BARHL1: variants seen among roughly 807,000 people sequenced by gnomAD.
BARHL1 encodes barH-like 1 homeobox protein.
A neutral mutation model predicts 20.1 loss-of-function variants in BARHL1; 2 were observed. That is an observed-to-expected ratio of 0.10 (90% CI 0.04 to 0.31). BARHL1 has a LOEUF of 0.31. Among genes scored for constraint, BARHL1 ranks in the 10% least tolerant of loss-of-function variants. BARHL1 has a pLI of 1.00. For synonymous variants in BARHL1, 213 were observed against 209.9 expected (o/e 1.01, Z -0.13); for missense variants, 397 against 454.0 (o/e 0.87, Z 1.14).
rs1270548640 is a variant in BARHL1 at position 132,587,051 on chromosome 9, C to A, written c.467-278C>A. Among the ~76,000 whole-genome samples, 1 of 152,228 alleles carries A rather than the reference C, an allele frequency of 6.6e-6. No homozygotes were observed. Among genetic ancestry groups the A allele is most frequent in the Non-Finnish European group, 1.5e-5 (1 of 68,030 alleles). On this transcript the variant is annotated intron_variant, in intron 1 of 2. Transcript: ENST00000263610. This position sits in a 1 kb window ranked among gnomAD's most constrained non-coding sequence, Gnocchi z 5.5. ...AGCGCGGGCAGAGCGCCGAGCGCGG[C>A]GCAGGGACTGGAGTTCTCGCCAGCT...
rs1564261009 is a variant in BARHL1, at chr9:132,587,129, C to T, written c.467-200C>T. ...GGGGGGTCTCGGCCTCGGGCGCTCC[C>T]GCCGCCGTCCTGTTCCCCTCAGGGT... is the stretch of plus-strand genomic sequence containing the variant. On this transcript the variant is annotated intron_variant, in intron 1 of 2. Coordinates refer to ENST00000263610, the MANE Select transcript of BARHL1 (RefSeq NM_020064.4). This position sits in a 1 kb window ranked among gnomAD's most constrained non-coding sequence, Gnocchi z 5.5. Among the ~76,000 whole-genome samples the T allele has an allele frequency of 6.6e-6, 1 of 152,222 alleles. No homozygotes were observed. Among genetic ancestry groups the T allele is most frequent in the African/African-American group, 2.4e-5 (1 of 41,472 alleles).
In BARHL1 at chr9:132,589,775, G is replaced by A; in HGVS notation, c.*253G>A. On this transcript the variant is annotated 3_prime_UTR_variant, in exon 3 of 3. Transcript: ENST00000263610. ...TGTCCGGGAGCCATCCCCACCCGCC[G>A]GGTGTACATACGCGTCTCTGCCACT... is the stretch of plus-strand genomic sequence containing the variant. 2 of 383,746 alleles carry A rather than the reference G, an allele frequency of 5.2e-6. No homozygotes were observed. The highest frequency in any genetic ancestry group is 4.9e-5 in the Admixed American group (1 of 20,566). 23.8% of individuals were successfully genotyped at this position (383,746 alleles called of 1,614,324 possible).
intron 1 of BARHL1, among the ~76,000 whole-genome samples, chr9:132,586,427 G>C (rs543423454): frequency 6.6e-6 from 1 of 152,360 alleles, no homozygotes; most frequent in South Asian, 2.1e-4. Context: ...AGTGTTTTCT[G>C]TGCAGTCAAA....
At position 132,589,485 on chromosome 9, in the gene BARHL1, T is replaced by G. The variant is rs1424112051; in HGVS notation, c.947T>G (p.Leu316Arg). 25 of 1,471,414 alleles carry G rather than the reference T, an allele frequency of 1.7e-5. No homozygotes were observed. The highest frequency in any genetic ancestry group is 2.2e-5 in the Non-Finnish European group (25 of 1,114,722). The allele number at this position is 1,471,414 out of a possible 1,614,324, so 91.1% of individuals were successfully genotyped here. Residue 316 changes from leucine (L) to arginine (R), a missense_variant, in exon 3 of 3, where the codon CTG (leucine) becomes CGG (arginine). Physicochemically the swap from Leu to Arg is moderately radical, Grantham distance 102 (BLOSUM62 -2). Coordinates refer to ENST00000263610, the MANE Select transcript of BARHL1 (RefSeq NM_020064.4). ...ASEPPPPLPP[L>R]AGVLPRAAQP... is the part of the protein sequence containing the mutation. The stretch of plus-strand genomic sequence containing the variant: ...GAGCCGCCCCCGCCGCTGCCCCCCC[T>G]GGCCGGCGTCCTCCCACGCGCCGCG...
intron 1 of BARHL1, among the ~76,000 whole-genome samples, chr9:132,584,171 G>A (rs538790229): frequency 1.5e-4 from 21 of 142,080 alleles, no homozygotes; most frequent in East Asian, 1.2e-3. Flanking sequence ...GGAAGGAAGG[G>A]AAAGGGAAGA....
rs899913358 is a variant in BARHL1, at chr9:132,587,119, C to T, written c.467-210C>T. The stretch of plus-strand genomic sequence containing the variant: ...GGAGCTGCCCGGGGGGTCTCGGCCT[C>T]GGGCGCTCCCGCCGCCGTCCTGTTC... On this transcript the variant is annotated intron_variant, in intron 1 of 2. Coordinates refer to ENST00000263610, the MANE Select transcript of BARHL1 (RefSeq NM_020064.4). This position sits in a 1 kb window ranked among gnomAD's most constrained non-coding sequence, Gnocchi z 5.5. Among the ~76,000 whole-genome samples, 2 of 152,234 alleles carry T rather than the reference C, an allele frequency of 1.3e-5. No homozygotes were observed. The highest frequency in any genetic ancestry group is 4.8e-5 in the African/African-American group (2 of 41,468).
At chr9:132,585,565 G>C (rs1830132507) in intron 1 of BARHL1, among the ~76,000 whole-genome samples, 2 of 152,224 alleles carry the variant, frequency 1.3e-5, no homozygotes, top group Admixed American at 1.3e-4. Flanking sequence ...ACCCAAACCA[G>C]AGTTTTGTTC....
At chr9:132,584,582 G>T (rs566854470) in intron 1 of BARHL1, among the ~76,000 whole-genome samples, 4 of 143,792 alleles carry the variant, frequency 2.8e-5, no homozygotes, top group African/African-American at 1.0e-4. Flanking sequence ...TCCCAACCAA[G>T]AATTCGTTTG....
chr9:132,586,621 T>C (rs1356019963), intron 1 of BARHL1, among the ~76,000 whole-genome samples: 1 of 152,260 alleles, frequency 6.6e-6, no homozygotes, highest in Admixed American at 6.5e-5. Context: ...ACCTGGGCAA[T>C]GCGCGCTGCG....
In BARHL1 at chr9:132,587,639, T is replaced by C; in HGVS notation, c.689+88T>C. ...AGGGGACCAGGAGTCTACAGGTTGG[T>C]GCTAAGGGAGGGCCCCAGAGCCTCC... On this transcript the variant is annotated intron_variant, in intron 2 of 2. Transcript: ENST00000263610. This position sits in a 1 kb window ranked among gnomAD's most constrained non-coding sequence, Gnocchi z 5.5. The C allele has an allele frequency of 1.5e-6, 2 of 1,321,274 alleles. No individual in the cohort carries two copies. The highest frequency in any genetic ancestry group is 2.1e-6 in the Non-Finnish European group (2 of 960,026). 81.8% of individuals were successfully genotyped at this position (1,321,274 alleles called of 1,614,324 possible). A position where few individuals can be genotyped will look rare whatever the true frequency, so the allele number is the denominator to read the frequency against.
chr9:132,586,913 A>G (rs997804901), intron 1 of BARHL1, among the ~76,000 whole-genome samples: 2 of 152,210 alleles, frequency 1.3e-5, no homozygotes, highest in Non-Finnish European at 2.9e-5. Flanking sequence ...ACGCAGCCGG[A>G]GAAACTGGGG....
intron 1 of BARHL1, among the ~76,000 whole-genome samples, chr9:132,586,651 G>T (rs1034003956): frequency 6.6e-6 from 1 of 152,274 alleles, no homozygotes; most frequent in Non-Finnish European, 1.5e-5. Flanking sequence ...CAAGCGAGTG[G>T]CAGGGTCGCT....
rs1488262236 is a variant in BARHL1 at position 132,582,830 on chromosome 9, C to T, written c.33C>T (p.Ser11=). The change falls in exon 1 of 3, where the codon TCC becomes TCT. Residue 11 remains serine, a synonymous_variant. Transcript: ENST00000263610. The part of the protein sequence containing the change: MEGSNGFGID[S]ILSHRAGSPA... ...GCTCCAATGGCTTTGGGATCGACTC[C>T]ATTCTCTCCCACCGCGCGGGCAGCC... is the stretch of plus-strand genomic sequence containing the variant. 1.2e-6 allele frequency: 2 copies of T among 1,605,822 alleles called. No homozygotes were observed. Among genetic ancestry groups the T allele is most frequent in the Non-Finnish European group, 1.7e-6 (2 of 1,175,312 alleles).
In BARHL1 at chr9:132,583,208, T is replaced by C. The variant is rs1830094560; in HGVS notation, c.411T>C (p.Phe137=). 4 of 1,613,222 alleles carry C rather than the reference T, an allele frequency of 2.5e-6. No homozygotes were observed. The highest frequency in any genetic ancestry group is 1.6e-4 in the Middle Eastern group (1 of 6,082). Residue 137 remains phenylalanine, a synonymous_variant, in exon 1 of 3, where the codon TTT becomes TTC. Transcript: ENST00000263610. ...GRLAAKAAED[F]RDKLDKSGSN... ...TTGCGGCCAAGGCCGCGGAGGACTT[T>C]AGAGACAAGCTGGACAAAAGTGGCA...
chr9:132,588,597 T>C (rs1343999591), intron 2 of BARHL1, among the ~76,000 whole-genome samples: 1 of 152,000 alleles, frequency 6.6e-6, no homozygotes, highest in Non-Finnish European at 1.5e-5. Context: ...GGCCAAGGCC[T>C]CTGGACTTTG....
At chr9:132,588,241 A>G (rs1830164521) in intron 2 of BARHL1, among the ~76,000 whole-genome samples, 1 of 152,154 alleles carries the variant, frequency 6.6e-6, no homozygotes, top group African/African-American at 2.4e-5. Context: ...CCAAATAGCC[A>G]CACACCGACA....
At chr9:132,584,091 G>A (rs940315356) in intron 1 of BARHL1, among the ~76,000 whole-genome samples, 18 of 151,030 alleles carry the variant, frequency 1.2e-4, no homozygotes, top group Non-Finnish European at 2.4e-4. Context: ...TCGTAACCAA[G>A]GAGATGAGAT....
intron 1 of BARHL1, among the ~76,000 whole-genome samples, chr9:132,584,060 G>T (rs908966079): frequency 2.0e-5 from 3 of 151,390 alleles, no homozygotes; most frequent in African/African-American, 7.3e-5. Context: ...CTTCGTTGTT[G>T]TTTGTTCCAT....
chr9:132,583,061 G>A lies in BARHL1; in HGVS notation c.264G>A (p.Gln88=). Residue 88 remains glutamine (Q), a synonymous_variant, in exon 1 of 3, where the codon CAG becomes CAA. Coordinates refer to ENST00000263610, the MANE Select transcript of BARHL1 (RefSeq NM_020064.4). ...CCGGGCAGCTCTCAGCCCCGGCCCA[G>A]TCGCGCACCGTCACCTCCTCCTTTC... ...LQPGQLSAPA[Q]SRTVTSSFLI... 1 of 1,613,910 alleles carries A rather than the reference G, an allele frequency of 6.2e-7. No homozygotes were observed. Among genetic ancestry groups the A allele is most frequent in the Non-Finnish European group, 8.5e-7 (1 of 1,179,962 alleles).
Sources: gnomAD v4.1 joint callset for allele counts (sites outside exome capture counted in the v4.1 genomes callset) on GRCh38, gnomAD v4.1.1 for gene constraint, Gnocchi (gnomAD v3.1) non-coding constraint, MANE v1.5 for transcripts, NCBI Gene and HGNC (gene_info 2026-07-23, HGNC 2026-07-21) for gene names.